Variants in SLC16A7 observed in about 807,000 individuals in gnomAD.
SLC16A7 encodes the protein solute carrier family 16 member 7, also known as monocarboxylate transporter 2.
SLC16A7 carries 33 observed loss-of-function variants against 34.9 expected under a neutral mutation model. The ratio of observed to expected loss-of-function variants is 0.94; its 90% CI spans 0.72 to 1.26. The LOEUF (loss-of-function observed/expected upper bound fraction) is 1.26, where lower values mean the gene tolerates loss of function less well. Among genes scored for constraint, SLC16A7 ranks in the 50% most tolerant of loss-of-function variants. The pLI is 0.00. For missense variants in SLC16A7, 573 were observed against 578.1 expected, an observed-to-expected ratio of 0.99 and a Z score of 0.09; for synonymous variants, 201 against 206.6, an observed-to-expected ratio of 0.97 and a Z score of 0.23.
intron 1 of SLC16A7, among the ~76,000 whole-genome samples, chr12:59,612,372 C>T (rs1592389205): frequency 6.6e-6 from 1 of 152,136 alleles, no homozygotes; most frequent in Non-Finnish European, 1.5e-5. Context: ...AAGCAACTGA[C>T]ACACAGGGTA....
At chr12:59,639,455 G>C (rs1471952374) in intron 1 of SLC16A7, among the ~76,000 whole-genome samples, 1 of 152,086 alleles carries the variant, frequency 6.6e-6, no homozygotes, top group Non-Finnish European at 1.5e-5. Flanking sequence ...TACAATCAAA[G>C]CTCACTGCAG....
chr12:59,715,608 C>T (rs974903966), intron 3 of SLC16A7, among the ~76,000 whole-genome samples: 4 of 152,124 alleles, frequency 2.6e-5, no homozygotes, highest in African/African-American at 7.2e-5. Context: ...GTTTGACCTC[C>T]GCTGGGAAGG....
chr12:59,779,328 A>G (rs540275588), intron 5 of SLC16A7, 95 bp from the exon 6 acceptor site: 387 of 931,386 alleles, frequency 4.2e-4, no homozygotes, highest in Admixed American at 7.4e-4. Context: ...TAATTTAAAT[A>G]AGAGGAATAT....
intron 3 of SLC16A7, among the ~76,000 whole-genome samples, chr12:59,752,796 A>C (rs533432395): frequency 6.6e-6 from 1 of 152,208 alleles, no homozygotes; most frequent in Non-Finnish European, 1.5e-5. Context: ...TCCAAGACAC[A>C]TAATTGTCAG....
intron 1 of SLC16A7, among the ~76,000 whole-genome samples, chr12:59,618,150 G>A (rs1879538576): frequency 6.6e-6 from 1 of 151,608 alleles, no homozygotes; most frequent in Non-Finnish European, 1.5e-5. Context: ...TCTTTTTAGA[G>A]CCATAGTATT....
chr12:59,783,736 CT>C lies in SLC16A7; in HGVS notation c.*4058del, dbSNP rs1883418598. 1 of 151,960 alleles carries C rather than the reference CT, an allele frequency of 6.6e-6. No individual in the cohort carries two copies. Among genetic ancestry groups the C allele is most frequent in the African/African-American group, 2.4e-5 (1 of 41,386 alleles). The allele number at this position is 151,960 out of a possible 1,614,324, so 9.4% of individuals were successfully genotyped here. ...GCACAATCTCGGCTTACTACAACCT[CT>C]GCCTCCCAGGTTCAAGCAATTCTCC... On this transcript the variant is annotated 3_prime_UTR_variant, in exon 6 of 6. Coordinates refer to ENST00000547379, the MANE Select transcript of SLC16A7 (RefSeq NM_001270623.2).
At chr12:59,657,354 A>G (rs141515050) in intron 2 of SLC16A7, among the ~76,000 whole-genome samples, 129 of 152,050 alleles carry the variant, frequency 8.5e-4, no homozygotes, top group African/African-American at 3.0e-3. Context: ...AATTCATTTC[A>G]TTGACTTTAC....
At chr12:59,731,145 C>T (rs1047013555) in intron 3 of SLC16A7, among the ~76,000 whole-genome samples, 4 of 151,986 alleles carry the variant, frequency 2.6e-5, no homozygotes, top group Non-Finnish European at 4.4e-5. Context: ...AATATTCAAG[C>T]TTAAATATGT....
intron 3 of SLC16A7, among the ~76,000 whole-genome samples, chr12:59,750,914 A>G (rs1017659371): frequency 6.6e-6 from 1 of 152,222 alleles, no homozygotes. Context: ...CTTTGCAGGG[A>G]CATGGATGAA....
rs1051821950 is a variant in SLC16A7, at chr12:59,623,084, G to A, written c.-130+26848G>A. Among the ~76,000 whole-genome samples the A allele has an allele frequency of 2.1e-3, 295 of 139,222 alleles. 1 individual carries two copies. Among genetic ancestry groups the A allele is most frequent in the African/African-American group, 7.3e-3 (284 of 38,642 alleles). The allele number at this position is 139,222 out of a possible 152,430, so 91.3% of individuals were successfully genotyped here. The stretch of plus-strand genomic sequence containing the variant: ...TGTGTGTGTGTGTGTGTGTGTGTGT[G>A]TGTGTGTGTCTGTATGTGCATATGT... On this transcript the variant is annotated intron_variant, in intron 1 of 5. Coordinates refer to ENST00000547379, the MANE Select transcript of SLC16A7 (RefSeq NM_001270623.2).
chr12:59,736,152 G>A (rs185667263), intron 3 of SLC16A7, among the ~76,000 whole-genome samples: 90 of 152,320 alleles, frequency 5.9e-4, no homozygotes, highest in Admixed American at 2.2e-3. Flanking sequence ...AGGGACAGAA[G>A]CATCATGGAC....
intron 3 of SLC16A7, among the ~76,000 whole-genome samples, chr12:59,756,472 A>G (rs1880361920): frequency 6.6e-6 from 1 of 152,100 alleles, no homozygotes; most frequent in Non-Finnish European, 1.5e-5. Flanking sequence ...TTCTCAAAAG[A>G]AGACATTTAT....
Position 59,774,704 on chromosome 12 carries a change from A to G in SLC16A7, c.409A>G (p.Lys137Glu), listed in dbSNP as rs1256978755. 1.2e-6 allele frequency: 2 copies of G among 1,606,604 alleles called. No homozygotes were observed. The highest frequency in any genetic ancestry group is 2.7e-5 in the African/African-American group (2 of 74,386). The change falls in exon 5 of 6, where the codon AAA becomes GAA. Residue 137 changes from lysine to glutamate, a missense_variant. By Grantham distance (56) the Lys-to-Glu change is moderately conservative. Transcript: ENST00000547379. The part of the protein sequence containing the change: ...NLQPALTIIG[K>E]YFYRKRPMAN... ...GCAACCCGCCTTAACCATAATTGGC[A>G]AATACTTCTATAGGAAGCGACCCAT...
rs1245903009 is a variant in SLC16A7, at chr12:59,788,202, A to T, written c.*8523A>T. ...AAATAAGATTGTTGGAATAAAAGTT[A>T]TAGATAGTCACTTGTTGCTAATAAA... is the stretch of plus-strand genomic sequence containing the variant. On this transcript the variant is annotated 3_prime_UTR_variant, in exon 6 of 6. Coordinates refer to ENST00000547379, the MANE Select transcript of SLC16A7 (RefSeq NM_001270623.2). 6.6e-6 allele frequency: 1 copy of T among 150,578 alleles called. No individual in the cohort carries two copies. Among genetic ancestry groups the T allele is most frequent in the Non-Finnish European group, 1.5e-5 (1 of 67,902 alleles). 9.3% of individuals were successfully genotyped at this position (150,578 alleles called of 1,614,324 possible). A position where few individuals can be genotyped will look rare whatever the true frequency, so the allele number is the denominator to read the frequency against.
chr12:59,705,622 A>G (rs1481741249), intron 3 of SLC16A7, among the ~76,000 whole-genome samples: 1 of 152,198 alleles, frequency 6.6e-6, no homozygotes, highest in Non-Finnish European at 1.5e-5. Context: ...ATGAAGGATA[A>G]TGAAGAAATC....
At chr12:59,616,728 T>C (rs1169552345) in intron 1 of SLC16A7, among the ~76,000 whole-genome samples, 1 of 152,100 alleles carries the variant, frequency 6.6e-6, no homozygotes, top group African/African-American at 2.4e-5. Flanking sequence ...AAAGTATAGG[T>C]CATGGAAATT....
intron 3 of SLC16A7, among the ~76,000 whole-genome samples, chr12:59,757,059 G>A (rs1880442783): frequency 7.3e-6 from 1 of 136,070 alleles, no homozygotes; most frequent in Admixed American, 8.5e-5. Flanking sequence ...TGAACAATGA[G>A]AACACATGGA....
intron 2 of SLC16A7, among the ~76,000 whole-genome samples, chr12:59,687,910 T>C (rs540649098): frequency 6.6e-6 from 1 of 152,272 alleles, no homozygotes; most frequent in East Asian, 1.9e-4. Context: ...ATGGGGGCTA[T>C]ACTTTGCCTA....
chr12:59,657,689 A>G (rs2137025896), intron 2 of SLC16A7, among the ~76,000 whole-genome samples: 1 of 152,102 alleles, frequency 6.6e-6, no homozygotes. Flanking sequence ...CCTTCACCAC[A>G]GTGGCTATAT....
Sources: gnomAD v4.1 joint callset for allele counts (sites outside exome capture counted in the v4.1 genomes callset) on GRCh38, gnomAD v4.1.1 for gene constraint, MANE v1.5 for transcripts, NCBI Gene and HGNC (gene_info 2026-07-23, HGNC 2026-07-21) for gene names.